The following PHF21A variants were observed in gnomAD, a reference collection of about 807,000 sequenced individuals.
PHF21A encodes PHD finger protein 21A.
A neutral mutation model predicts 82.5 loss-of-function variants in PHF21A; 11 were observed. That is an observed-to-expected ratio of 0.13 (90% CI 0.08 to 0.22). The LOEUF is 0.22. Ranked by LOEUF, PHF21A falls within the 10% of genes least tolerant of loss-of-function variation. The probability of loss-of-function intolerance (pLI) is 1.00; values close to 1 mark genes in which losing one functional copy is unlikely to be tolerated. For missense variants in PHF21A, 579 were observed against 837.8 expected, an observed-to-expected ratio of 0.69 and a Z score of 3.81; for synonymous variants, 297 against 302.8, an observed-to-expected ratio of 0.98 and a Z score of 0.20.
At chr11:46,074,367 T>C (rs1190589272) in intron 6 of PHF21A, among the ~76,000 whole-genome samples, 1 of 151,562 alleles carries the variant, frequency 6.6e-6, no homozygotes, top group Non-Finnish European at 1.5e-5. Context: ...ACTTAAAATA[T>C]CAGTCATACG....
rs1422099617 is a variant in PHF21A, at chr11:46,014,989, A to AT, written c.154-35024_154-35023insA. ...AGCGAGACTCCGTCTCAAAAAAAAA[A>AT]AAAAATAAAAATAAAAAAATAAAAA... On this transcript the variant is annotated intron_variant, in intron 6 of 18. Transcript: ENST00000676320. Among the ~76,000 whole-genome samples the AT allele has an allele frequency of 4.1e-4, 19 of 46,826 alleles. 5 individuals carry two copies. The highest frequency in any genetic ancestry group is 8.1e-4 in the African/African-American group (3 of 3,696). The allele number at this position is 46,826 out of a possible 152,430, so 30.7% of individuals were successfully genotyped here.
chr11:46,065,537 C>G (rs773991430), intron 6 of PHF21A, among the ~76,000 whole-genome samples: 2 of 152,278 alleles, frequency 1.3e-5, no homozygotes, highest in Non-Finnish European at 2.9e-5. Flanking sequence ...TTATTTGAAT[C>G]AATAAATTCA....
At chr11:45,980,041 C>T (rs1215636869) in intron 6 of PHF21A, 75 bp from the exon 7 acceptor site, 4 of 1,594,284 alleles carry the variant, frequency 2.5e-6, no homozygotes, top group Non-Finnish European at 3.4e-6. Flanking sequence ...TATGCTCTGA[C>T]ATCTTTTCTA....
At chr11:46,063,920 A>C (rs901718470) in intron 6 of PHF21A, among the ~76,000 whole-genome samples, 2 of 152,210 alleles carry the variant, frequency 1.3e-5, no homozygotes, top group African/African-American at 4.8e-5. Flanking sequence ...GGATTAACTC[A>C]AAATCTTATG....
At chr11:45,947,418 A>C (rs1436920524) in intron 14 of PHF21A, among the ~76,000 whole-genome samples, 1 of 152,232 alleles carries the variant, frequency 6.6e-6, no homozygotes, top group African/African-American at 2.4e-5. Context: ...AGGATTATGC[A>C]CAAGAGTCAT....
At chr11:45,950,177 A>C in intron 12 of PHF21A, 29 bp downstream of exon 12, 1 of 1,550,992 alleles carries the variant, frequency 6.4e-7, no homozygotes, top group Non-Finnish European at 8.8e-7. Context: ...GCCAGAAAAA[A>C]AGGCAGTGCC....
chr11:45,984,110 G>A (rs2094409887), intron 6 of PHF21A, among the ~76,000 whole-genome samples: 1 of 152,052 alleles, frequency 6.6e-6, no homozygotes, highest in African/African-American at 2.4e-5. Flanking sequence ...TCACAAACTG[G>A]CCATTCATCA....
intron 18 of PHF21A, 32 bp downstream of exon 18, chr11:45,935,604 T>C (rs1303929608): frequency 1.0e-6 from 1 of 1,003,178 alleles, no homozygotes. Flanking sequence ...TGCACCTATG[T>C]ATCGACTGCT....
In PHF21A at chr11:46,101,220, C is replaced by A. The variant is rs193214259; in HGVS notation, c.-236-8997G>T. 2.1e-3 allele frequency among the ~76,000 whole-genome samples: 322 copies of A among 152,296 alleles called. 2 individuals carry two copies. Among genetic ancestry groups the A allele is most frequent in the African/African-American group, 7.5e-3 (310 of 41,564 alleles). ...TAAAATCTGTCCAGCAGGCATCGTTCTTCACTAAGTTAGTGGTGGCTCAGA... is the reference window on the plus strand; with the variant it reads ...TAAAATCTGTCCAGCAGGCATCGTTATTCACTAAGTTAGTGGTGGCTCAGA... On this transcript the variant is annotated intron_variant, in intron 1 of 18. Coordinates refer to ENST00000676320, the MANE Select transcript of PHF21A (RefSeq NM_001352027.3).
intron 3 of PHF21A, among the ~76,000 whole-genome samples, chr11:46,087,497 G>C (rs1182357336): frequency 5.3e-5 from 8 of 152,114 alleles, no homozygotes; most frequent in Admixed American, 5.2e-4. Context: ...AAAAAAGTTA[G>C]GACTAGTTGT....
At chr11:45,960,705 A>C (rs1393484444) in intron 10 of PHF21A, among the ~76,000 whole-genome samples, 1 of 152,240 alleles carries the variant, frequency 6.6e-6, no homozygotes, top group Non-Finnish European at 1.5e-5. Flanking sequence ...CAATTAAAAA[A>C]AAATTGGATT....
At chr11:45,961,419 T>C (rs373473917) in intron 10 of PHF21A, among the ~76,000 whole-genome samples, 2 of 152,332 alleles carry the variant, frequency 1.3e-5, no homozygotes. Context: ...TCTCTACTAT[T>C]GCACCAGTAT....
In PHF21A at chr11:45,980,034, GCT is replaced by G. The variant is rs1273004053; in HGVS notation, c.154-70_154-69del. 1.1e-5 allele frequency: 18 copies of G among 1,601,642 alleles called. No individual in the cohort carries two copies. In the East Asian group the frequency reaches 3.1e-4, roughly 28 times the overall value. On this transcript the variant is annotated intron_variant, in intron 6 of 18. Transcript: ENST00000676320. Reference sequence around the variant, plus strand: ...TGCTCTATCAGCTGCACAGAAATATGCTCTGACATCTTTTCTATAAATAGCTT... The same window carrying G: ...TGCTCTATCAGCTGCACAGAAATATGCTGACATCTTTTCTATAAATAGCTT...
chr11:46,113,947 T>C (rs1243703746), intron 1 of PHF21A, among the ~76,000 whole-genome samples: 1 of 152,116 alleles, frequency 6.6e-6, no homozygotes, highest in Non-Finnish European at 1.5e-5. Flanking sequence ...CCCCATATTC[T>C]AATATTGCCC....
intron 1 of PHF21A, among the ~76,000 whole-genome samples, chr11:46,093,789 C>CA (rs762864694): frequency 8.5e-5 from 13 of 152,176 alleles, no homozygotes; most frequent in Non-Finnish European, 1.6e-4. Flanking sequence ...TTAGGGCTTT[C>CA]ATGTTAGCTC....
chr11:45,939,863 C>T (rs1188279834), intron 15 of PHF21A, among the ~76,000 whole-genome samples: 1 of 150,614 alleles, frequency 6.6e-6, no homozygotes, highest in Non-Finnish European at 1.5e-5. Flanking sequence ...ATTAAATCCA[C>T]TGATAAGAAC....
intron 6 of PHF21A, among the ~76,000 whole-genome samples, chr11:46,074,249 CAAAGAA>C (rs1249760516): frequency 3.3e-5 from 5 of 151,234 alleles, no homozygotes; most frequent in Non-Finnish European, 7.4e-5. Context: ...GAAAAATGCA[CAAAGAA>C]AAAGAATAGA....
At chr11:46,024,804 A>AAAAG (rs922517589) in intron 6 of PHF21A, among the ~76,000 whole-genome samples, 8 of 152,288 alleles carry the variant, frequency 5.3e-5, no homozygotes, top group African/African-American at 1.7e-4. Context: ...CATCTCAAAA[A>AAAAG]AAAGAAAGAA....
intron 10 of PHF21A, among the ~76,000 whole-genome samples, chr11:45,961,574 G>C (rs1440482720): frequency 6.6e-6 from 1 of 152,110 alleles, no homozygotes; most frequent in African/African-American, 2.4e-5. Flanking sequence ...AATATTTATG[G>C]TAACGTGGCA....
Sources: gnomAD v4.1 joint callset for allele counts (sites outside exome capture counted in the v4.1 genomes callset) on GRCh38, gnomAD v4.1.1 for gene constraint, MANE v1.5 for transcripts, NCBI Gene and HGNC (gene_info 2026-07-23, HGNC 2026-07-21) for gene names.